Variants in NYAP2 observed in about 807,000 individuals in gnomAD.
The protein encoded by NYAP2 is neuronal tyrosine-phosphorylated phosphoinositide-3-kinase adaptor 2, also known as neuronal tyrosine-phosphorylated phosphoinositide-3-kinase adapter 2.
NYAP2 carries 23 observed loss-of-function variants against 50.4 expected under a neutral mutation model. The observed-to-expected ratio is 0.46, with a 90% CI of 0.33 to 0.65. The LOEUF is 0.65. NYAP2 is among the 30% of genes least tolerant of loss of function. The probability of loss-of-function intolerance (pLI) is 0.02; values close to 1 mark genes in which losing one functional copy is unlikely to be tolerated. For synonymous variants in NYAP2, 394 were observed against 365.2 expected (o/e 1.08, Z -0.90); for missense variants, 885 against 861.0 (o/e 1.03, Z -0.35).
chr2:225,670,528 T>TA, the NYAP2 span, among the ~76,000 whole-genome samples: 1 of 151,314 alleles, frequency 6.6e-6, no homozygotes, highest in Non-Finnish European at 1.5e-5. Flanking sequence ...TTATGATTTT[T>TA]ATAGCCTTAT....
chr2:225,519,372 T>C (rs1282857005), intron 4 of NYAP2, among the ~76,000 whole-genome samples: 1 of 151,342 alleles, frequency 6.6e-6, no homozygotes, highest in Non-Finnish European at 1.5e-5. Context: ...GCTGCACCCA[T>C]TAACTCATCA....
intron 6 of NYAP2, among the ~76,000 whole-genome samples, chr2:225,646,507 C>A (rs190937581): frequency 3.3e-5 from 5 of 152,112 alleles, no homozygotes; most frequent in Admixed American, 3.3e-4. Flanking sequence ...GCCAAGATTG[C>A]GCCATTGCAC....
chr2:225,671,183 T>C, the NYAP2 span, among the ~76,000 whole-genome samples: 1 of 152,128 alleles, frequency 6.6e-6, no homozygotes, highest in Non-Finnish European at 1.5e-5. Flanking sequence ...TTTTTTTCTT[T>C]TTCCCTCCTT....
chr2:225,643,173 TA>T (rs1446055463), intron 6 of NYAP2, among the ~76,000 whole-genome samples: 1 of 152,102 alleles, frequency 6.6e-6, no homozygotes, highest in Non-Finnish European at 1.5e-5. Flanking sequence ...TTATAGATGA[TA>T]AAAAATCCCC....
chr2:225,616,298 A>G (rs1365616567), intron 5 of NYAP2, among the ~76,000 whole-genome samples: 1 of 152,216 alleles, frequency 6.6e-6, no homozygotes, highest in Admixed American at 6.5e-5. Context: ...AGTTTATACA[A>G]GAGAGAAGGA....
intron 3 of NYAP2, among the ~76,000 whole-genome samples, chr2:225,493,356 G>A (rs187637735): frequency 2.6e-5 from 4 of 152,284 alleles, no homozygotes; most frequent in Admixed American, 2.6e-4. Context: ...TTAGTGAATA[G>A]TGATGTTGCC....
chr2:225,528,119 C>T (rs1162642086), intron 4 of NYAP2, among the ~76,000 whole-genome samples: 1 of 152,118 alleles, frequency 6.6e-6, no homozygotes. Flanking sequence ...GTATAAACTC[C>T]AGAGGGCAGG....
upstream of NYAP2, among the ~76,000 whole-genome samples, chr2:225,399,474 A>G (rs1694821603): frequency 6.6e-6 from 1 of 152,054 alleles, no homozygotes; most frequent in Non-Finnish European, 1.5e-5. Context: ...AATTTTAACA[A>G]TGAGTCTATA....
chr2:225,681,782 C>T, the NYAP2 span, among the ~76,000 whole-genome samples: 10,059 of 152,206 alleles, frequency 0.066, 421 homozygotes, highest in East Asian at 0.24. Flanking sequence ...AGTTCAGATT[C>T]CAGTTCTATC....
intron 3 of NYAP2, among the ~76,000 whole-genome samples, chr2:225,504,239 G>T (rs1303614827): frequency 6.6e-6 from 1 of 152,146 alleles, no homozygotes; most frequent in East Asian, 1.9e-4. Flanking sequence ...CCTGCTTCGT[G>T]GTTCATTGAT....
chr2:225,450,580 T>A (rs1474234421), intron 3 of NYAP2, among the ~76,000 whole-genome samples: 3 of 152,228 alleles, frequency 2.0e-5, no homozygotes, highest in Admixed American at 1.3e-4. Flanking sequence ...ATGTATGTGT[T>A]TTGGCACTTC....
At chr2:225,459,847 G>T (rs1183054436) in intron 3 of NYAP2, among the ~76,000 whole-genome samples, 3 of 151,880 alleles carry the variant, frequency 2.0e-5, no homozygotes, top group Non-Finnish European at 4.4e-5. Context: ...TAATTTTTTT[G>T]TGTTTTTAGT....
chr2:225,494,087 T>C lies in NYAP2; in HGVS notation c.222-19284T>C, dbSNP rs576136282. 3.9e-5 allele frequency among the ~76,000 whole-genome samples: 6 copies of C among 152,368 alleles called. No individual in the cohort carries two copies. The South Asian group carries it at 1.2e-3, about 32-fold the overall frequency. On this transcript the variant is annotated intron_variant, in intron 3 of 6. Coordinates refer to ENST00000636099, the Ensembl canonical transcript of NYAP2. ...TTTACTACTTAGTTATTTTGTAAAA[T>C]GGGAAAGTGTCTGTAGCAACACATC...
At chr2:225,553,903 A>ACAAAAG (rs1691726027) in intron 4 of NYAP2, among the ~76,000 whole-genome samples, 2 of 151,868 alleles carry the variant, frequency 1.3e-5, no homozygotes, top group Admixed American at 1.3e-4. Context: ...TTGGCATGGT[A>ACAAAAG]TTGCTACTCA....
chr2:225,543,703 T>C (rs1559210100), intron 4 of NYAP2, among the ~76,000 whole-genome samples: 1 of 152,102 alleles, frequency 6.6e-6, no homozygotes, highest in Non-Finnish European at 1.5e-5. Flanking sequence ...TTGAGAATGT[T>C]CCATGTGCTG....
At position 225,433,127 on chromosome 2, in the gene NYAP2, T is replaced by C. The variant is rs1341869352; in HGVS notation, c.221+24026T>C. On this transcript the variant is annotated intron_variant, in intron 3 of 6. Coordinates refer to ENST00000636099, the Ensembl canonical transcript of NYAP2. ...AACCTATAAAATGTAATGTAATTAA[T>C]ATTTCATTAAATACTTATTGTAAGT... is the stretch of plus-strand genomic sequence containing the variant. 2.0e-5 allele frequency among the ~76,000 whole-genome samples: 3 copies of C among 152,342 alleles called. No individual in the cohort carries two copies. The South Asian group carries it at 6.2e-4, about 32-fold the overall frequency.
At chr2:225,531,042 G>A (rs1417402119) in intron 4 of NYAP2, among the ~76,000 whole-genome samples, 5 of 152,210 alleles carry the variant, frequency 3.3e-5, no homozygotes, top group Non-Finnish European at 5.9e-5. Flanking sequence ...ATTACTTTCA[G>A]AGAGGATTTT....
intron 6 of NYAP2, among the ~76,000 whole-genome samples, chr2:225,632,324 A>G (rs1693334110): frequency 6.6e-6 from 1 of 152,076 alleles, no homozygotes; most frequent in South Asian, 2.1e-4. Flanking sequence ...ACCTCACACT[A>G]GAGAGGAAAG....
At chr2:225,573,488 G>A (rs775055274) in intron 4 of NYAP2, among the ~76,000 whole-genome samples, 4 of 151,994 alleles carry the variant, frequency 2.6e-5, no homozygotes, top group Non-Finnish European at 5.9e-5. Context: ...ATGACCTTGT[G>A]ATCCACCTGC....
Sources: gnomAD v4.1 joint callset for allele counts (sites outside exome capture counted in the v4.1 genomes callset) on GRCh38, gnomAD v4.1.1 for gene constraint, MANE v1.5 for transcripts, NCBI Gene and HGNC (gene_info 2026-07-23, HGNC 2026-07-21) for gene names.